The following EFHC2 variants were observed in gnomAD, a reference collection of about 807,000 sequenced individuals.
EFHC2 encodes EF-hand domain containing 2.
A neutral mutation model predicts 52.7 loss-of-function variants in EFHC2; 18 were observed. The ratio of observed to expected loss-of-function variants is 0.34; its 90% CI spans 0.24 to 0.51. The LOEUF (loss-of-function observed/expected upper bound fraction) is 0.51. Among genes scored for constraint, EFHC2 ranks in the 20% least tolerant of loss-of-function variants. The pLI is 0.97. For synonymous variants in EFHC2, 203 were observed against 204.1 expected, an observed-to-expected ratio of 0.99 and a Z score of 0.04; for missense variants, 513 against 562.5, an observed-to-expected ratio of 0.91 and a Z score of 0.89.
At chrX:44,205,780 G>C (rs1363141901) in intron 11 of EFHC2, among the ~76,000 whole-genome samples, 1 of 111,373 alleles carries the variant, frequency 9.0e-6, no homozygotes, top group Non-Finnish European at 1.9e-5. Context: ...CAATAATAGT[G>C]GAGGACTTCA....
chrX:44,289,874 G>A (rs1260132036), intron 2 of EFHC2, among the ~76,000 whole-genome samples: 2 of 109,210 alleles, frequency 1.8e-5, no homozygotes, highest in Non-Finnish European at 3.8e-5. Flanking sequence ...GTAGAGATGG[G>A]GTTTCACCAT....
chrX:44,283,880 G>GGC (rs1257612884), intron 2 of EFHC2: 2 of 108,550 alleles, frequency 1.8e-5, no homozygotes, highest in African/African-American at 3.4e-5. Context: ...GAAAAAAGGA[G>GGC]GCGCCGGAGT....
At chrX:44,342,252 G>A (rs2038155593) in intron 1 of EFHC2, among the ~76,000 whole-genome samples, 1 of 112,073 alleles carries the variant, frequency 8.9e-6, no homozygotes, top group South Asian at 3.7e-4. Context: ...GAAAAAACTT[G>A]TACTTCAGGG....
intron 1 of EFHC2, among the ~76,000 whole-genome samples, chrX:44,339,552 G>A (rs1239166674): frequency 1.8e-5 from 2 of 111,090 alleles, no homozygotes; most frequent in South Asian, 3.8e-4. Context: ...TACAGGTTGC[G>A]TATCACCTAG....
At chrX:44,310,636 A>C (rs1843339152) in intron 2 of EFHC2, among the ~76,000 whole-genome samples, 1 of 112,128 alleles carries the variant, frequency 8.9e-6, no homozygotes, top group Non-Finnish European at 1.9e-5. Flanking sequence ...TTGGGGTATT[A>C]ACCAGGATCT....
At chrX:44,222,549 C>T (rs955904706) in intron 11 of EFHC2, among the ~76,000 whole-genome samples, 3 of 111,658 alleles carry the variant, frequency 2.7e-5, no homozygotes, top group African/African-American at 3.2e-5. Flanking sequence ...AGTAGCCAAG[C>T]GTAGGGGAGG....
intron 3 of EFHC2, among the ~76,000 whole-genome samples, chrX:44,265,509 T>G (rs2037569977): frequency 8.9e-6 from 1 of 111,766 alleles, no homozygotes; most frequent in Non-Finnish European, 1.9e-5. Flanking sequence ...ACTTAAGCAA[T>G]CCTTTTGCCT....
intron 13 of EFHC2, among the ~76,000 whole-genome samples, chrX:44,171,371 G>A (rs770294418): frequency 8.9e-6 from 1 of 111,757 alleles, no homozygotes; most frequent in African/African-American, 3.2e-5. Flanking sequence ...GCTGTATTTT[G>A]CTGAAGAGGA....
intron 2 of EFHC2, among the ~76,000 whole-genome samples, chrX:44,307,563 G>T (rs1480975844): frequency 1.8e-5 from 2 of 111,867 alleles, no homozygotes; most frequent in African/African-American, 6.5e-5. Flanking sequence ...GGGGCCAAAA[G>T]ATCAACATTT....
chrX:44,327,959 AAAAC>A (rs1378604840), intron 1 of EFHC2, among the ~76,000 whole-genome samples: 2 of 112,286 alleles, frequency 1.8e-5, no homozygotes, highest in African/African-American at 6.5e-5. Flanking sequence ...AGTAGAGTGA[AAAAC>A]AAAATTTAAA....
chrX:44,302,548 ATAAATT>A (rs1301306059), intron 2 of EFHC2, among the ~76,000 whole-genome samples: 1 of 112,749 alleles, frequency 8.9e-6, no homozygotes, highest in Non-Finnish European at 1.9e-5. Context: ...TCACTTTAAT[ATAAATT>A]TAAAGACTAA....
intron 11 of EFHC2, among the ~76,000 whole-genome samples, chrX:44,228,595 A>G (rs1207962957): frequency 8.9e-6 from 1 of 112,160 alleles, no homozygotes; most frequent in Admixed American, 9.4e-5. Context: ...GGAATTCTAA[A>G]CAATAAAAAT....
intron 11 of EFHC2, among the ~76,000 whole-genome samples, chrX:44,224,095 T>C (rs1363763292): frequency 8.9e-6 from 1 of 112,242 alleles, no homozygotes; most frequent in Non-Finnish European, 1.9e-5. Flanking sequence ...CAATGATGTT[T>C]ATTATTTTCC....
chrX:44,305,484 ATAT>A (rs1294650641), intron 2 of EFHC2, among the ~76,000 whole-genome samples: 2 of 111,460 alleles, frequency 1.8e-5, no homozygotes, highest in Non-Finnish European at 3.8e-5. Context: ...ATTTTTTAAA[ATAT>A]TATACTAGCT....
At chrX:44,275,772 T>C (rs1196466644) in intron 2 of EFHC2, among the ~76,000 whole-genome samples, 1 of 108,089 alleles carries the variant, frequency 9.3e-6, no homozygotes, top group Non-Finnish European at 1.9e-5. Context: ...AAATTAGCCG[T>C]GCGTGCTGGC....
chrX:44,304,890 C>A (rs2037892775), intron 2 of EFHC2, among the ~76,000 whole-genome samples: 2 of 110,105 alleles, frequency 1.8e-5, no homozygotes, highest in African/African-American at 6.6e-5. Flanking sequence ...ATAAAATATA[C>A]ACTTGGCCCC....
rs1602119426 is a variant in EFHC2 at position 44,148,763 on chromosome X, A to G, written c.*32T>C. On this transcript the variant is annotated 3_prime_UTR_variant, in exon 15 of 15. Transcript: ENST00000420999. ...GTAAATGTGGCAAAATGAGAGAAGTAAATCATAGAGAATTGACCAAAACTG... is the reference window on the plus strand; with the variant it reads ...GTAAATGTGGCAAAATGAGAGAAGTGAATCATAGAGAATTGACCAAAACTG... The G allele has an allele frequency of 9.1e-7, 1 of 1,095,483 alleles. No individual in the cohort carries two copies. Among genetic ancestry groups the G allele is most frequent in the Non-Finnish European group, 1.2e-6 (1 of 817,312 alleles). The allele number at this position is 1,095,483 out of a possible 1,213,427, so 90.3% of individuals were successfully genotyped here.
At chrX:44,321,055 A>G (rs2038016409) in intron 1 of EFHC2, among the ~76,000 whole-genome samples, 1 of 111,997 alleles carries the variant, frequency 8.9e-6, no homozygotes. Context: ...AAGAAATGAT[A>G]GTGGCCTAGA....
At chrX:44,279,165 AACCCCGTCTCT>A (rs2147357489) in intron 2 of EFHC2, among the ~76,000 whole-genome samples, 1 of 111,653 alleles carries the variant, frequency 9.0e-6, no homozygotes, top group South Asian at 3.8e-4. Flanking sequence ...AACATGGTGA[AACCCCGTCTCT>A]ACTAAAAATA....
Sources: gnomAD v4.1 joint callset for allele counts (sites outside exome capture counted in the v4.1 genomes callset) on GRCh38, gnomAD v4.1.1 for gene constraint, MANE v1.5 for transcripts, NCBI Gene and HGNC (gene_info 2026-07-23, HGNC 2026-07-21) for gene names.